The following SND1 variants were observed in gnomAD, a reference collection of about 807,000 sequenced individuals.
The protein encoded by SND1 is staphylococcal nuclease domain-containing protein 1.
SND1 carries 38 observed loss-of-function variants against 121.7 expected under a neutral mutation model. The ratio of observed to expected loss-of-function variants is 0.31; its 90% CI spans 0.24 to 0.41. SND1 has a LOEUF of 0.41. SND1 is among the 10% of genes least tolerant of loss of function. The pLI is 1.00. For missense variants in SND1, 868 were observed against 1,184.6 expected (o/e 0.73, Z 3.92); for synonymous variants, 401 against 447.4 (o/e 0.90, Z 1.31).
At chr7:127,950,230 T>C (rs1202710975) in intron 15 of SND1, among the ~76,000 whole-genome samples, 1 of 152,164 alleles carries the variant, frequency 6.6e-6, no homozygotes. Context: ...TTTTTTCCTC[T>C]AGGTTTGGGA....
intron 1 of SND1, among the ~76,000 whole-genome samples, chr7:127,661,630 T>A (rs1400492489): frequency 2.0e-5 from 3 of 152,162 alleles, no homozygotes; most frequent in African/African-American, 7.2e-5. Flanking sequence ...ACGAAGTCCT[T>A]ATGATTAGGG....
intron 15 of SND1, among the ~76,000 whole-genome samples, chr7:127,977,849 G>A (rs1400470241): frequency 6.6e-6 from 1 of 152,156 alleles, no homozygotes; most frequent in East Asian, 1.9e-4. Context: ...TGTGGATAGA[G>A]TAGGGAAGAA....
intron 13 of SND1, among the ~76,000 whole-genome samples, chr7:127,891,548 G>T (rs1343360149): frequency 2.0e-5 from 3 of 151,994 alleles, no homozygotes; most frequent in African/African-American, 7.2e-5. Flanking sequence ...GTTTAGGGTT[G>T]TTTTTTCCTA....
chr7:128,029,228 T>C lies in SND1; in HGVS notation c.1779+38172T>C, dbSNP rs1792499743. On this transcript the variant is annotated intron_variant, in intron 16 of 23. Coordinates refer to ENST00000354725, the MANE Select transcript of SND1 (RefSeq NM_014390.4). The surrounding 1 kb of genome is among the most constrained non-coding windows in gnomAD (Gnocchi z 4.2). ...ACGTGGTAGGAACAGGCTTGTACTT[T>C]CGCGTTGTGTCCTCAGGCGAGATCT... 6.2e-7 allele frequency: 1 copy of C among 1,614,106 alleles called. No homozygotes were observed. The highest frequency in any genetic ancestry group is 8.5e-7 in the Non-Finnish European group (1 of 1,180,030).
intron 22 of SND1, 44 bp downstream of exon 22, chr7:128,089,736 T>A (rs748927603): frequency 6.4e-7 from 1 of 1,560,488 alleles, no homozygotes; most frequent in Non-Finnish European, 8.8e-7. Flanking sequence ...GCCACCACCC[T>A]CACAGAGAAA....
chr7:127,964,612 A>G (rs1185282767), intron 15 of SND1, among the ~76,000 whole-genome samples: 1 of 151,928 alleles, frequency 6.6e-6, no homozygotes, highest in Non-Finnish European at 1.5e-5. Context: ...CCATTGATCT[A>G]TATCTCTGTT....
At chr7:128,065,950 AAG>A (rs1265212547) in intron 16 of SND1, among the ~76,000 whole-genome samples, 3 of 152,182 alleles carry the variant, frequency 2.0e-5, no homozygotes, top group Non-Finnish European at 4.4e-5. Flanking sequence ...AGCCTCAGGG[AAG>A]AGTGTTAAAT....
chr7:127,976,642 T>G (rs1802127314), intron 15 of SND1, among the ~76,000 whole-genome samples: 1 of 152,240 alleles, frequency 6.6e-6, no homozygotes, highest in African/African-American at 2.4e-5. Context: ...AGTCCTTTTC[T>G]TTCCCTCAGG....
At chr7:127,836,916 T>C (rs1266385144) in intron 11 of SND1, among the ~76,000 whole-genome samples, 1 of 152,214 alleles carries the variant, frequency 6.6e-6, no homozygotes, top group Non-Finnish European at 1.5e-5. Context: ...ATATTTTACA[T>C]ATATAGTACA....
intron 3 of SND1, among the ~76,000 whole-genome samples, chr7:127,696,307 A>C (rs1450748772): frequency 6.6e-6 from 1 of 152,216 alleles, no homozygotes; most frequent in Non-Finnish European, 1.5e-5. Flanking sequence ...TTTCCTACCT[A>C]GTAGAGAAAT....
chr7:127,720,693 A>C (rs1796479382), intron 9 of SND1, among the ~76,000 whole-genome samples: 1 of 152,210 alleles, frequency 6.6e-6, no homozygotes, highest in Admixed American at 6.5e-5. Context: ...GTGCTCTGAA[A>C]AGGTGGCTTT....
intron 9 of SND1, among the ~76,000 whole-genome samples, chr7:127,718,038 T>C (rs1467638734): frequency 6.6e-6 from 1 of 152,134 alleles, no homozygotes; most frequent in African/African-American, 2.4e-5. Flanking sequence ...CATTAAACCA[T>C]TTTTTCCTTT....
chr7:127,675,503 T>C (rs1028025074), intron 1 of SND1, among the ~76,000 whole-genome samples: 2 of 152,222 alleles, frequency 1.3e-5, no homozygotes, highest in Non-Finnish European at 2.9e-5. Context: ...GGTGCTCTAG[T>C]CTGTCTTTAT....
chr7:127,934,350 G>A (rs1344637297), intron 15 of SND1, among the ~76,000 whole-genome samples: 1 of 152,198 alleles, frequency 6.6e-6, no homozygotes, highest in African/African-American at 2.4e-5. Flanking sequence ...ACACGAGCTA[G>A]TCCTTCTCTT....
chr7:127,673,373 G>A (rs920824414), intron 1 of SND1, among the ~76,000 whole-genome samples: 9 of 152,082 alleles, frequency 5.9e-5, no homozygotes, highest in African/African-American at 1.2e-4. Context: ...TTACAGTGAT[G>A]TGATCTCAGC....
chr7:127,730,598 A>G (rs568934818), intron 10 of SND1, among the ~76,000 whole-genome samples: 1 of 152,306 alleles, frequency 6.6e-6, no homozygotes, highest in South Asian at 2.1e-4. Context: ...CTGGTTCTGG[A>G]TAGCCCACAT....
At chr7:127,852,308 A>G (rs1048981456) in intron 12 of SND1, among the ~76,000 whole-genome samples, 3 of 151,644 alleles carry the variant, frequency 2.0e-5, no homozygotes, top group Non-Finnish European at 4.4e-5. Context: ...AGCCTAGCCA[A>G]TATGATGAAA....
At chr7:127,763,533 G>A (rs527933468) in intron 10 of SND1, among the ~76,000 whole-genome samples, 5 of 152,142 alleles carry the variant, frequency 3.3e-5, no homozygotes, top group African/African-American at 1.2e-4. Context: ...TTTTTGAAGA[G>A]ATAGGGTCTC....
At chr7:127,736,902 A>G (rs1044732208) in intron 10 of SND1, among the ~76,000 whole-genome samples, 9 of 152,298 alleles carry the variant, frequency 5.9e-5, no homozygotes, top group Middle Eastern at 3.4e-3. Context: ...CTCCCGTGGC[A>G]GCTTCATGCA....
Sources: allele counts gnomAD v4.1 joint callset (sites outside exome capture counted in the v4.1 genomes callset), GRCh38; gene constraint gnomAD v4.1.1; non-coding constraint Gnocchi (gnomAD v3.1); transcripts MANE v1.5; gene names NCBI Gene and HGNC (gene_info 2026-07-23, HGNC 2026-07-21).